Variants in DCC observed in about 807,000 individuals in gnomAD.
DCC encodes the protein netrin receptor DCC.
A neutral mutation model predicts 172.5 loss-of-function variants in DCC; 58 were observed. That is an observed-to-expected ratio of 0.34 (90% CI 0.27 to 0.42). The LOEUF (loss-of-function observed/expected upper bound fraction) is 0.42, where lower values mean the gene tolerates loss of function less well. Among genes scored for constraint, DCC ranks in the 10% least tolerant of loss-of-function variants. DCC has a pLI of 1.00. For synonymous variants in DCC, 709 were observed against 644.5 expected, an observed-to-expected ratio of 1.10 and a Z score of -1.52; for missense variants, 1,740 against 1,791.0, an observed-to-expected ratio of 0.97 and a Z score of 0.51.
intron 5 of DCC, among the ~76,000 whole-genome samples, chr18:52,971,694 A>T (rs2041033538): frequency 6.6e-6 from 1 of 152,108 alleles, no homozygotes. Context: ...TTAGCCTGTT[A>T]CAGTCTGCAA....
rs2144558744 is a variant in DCC, at chr18:53,207,712, G to C, written c.1756G>C (p.Glu586Gln). ...IEVDGLSYKLEGLKKFTEYSL... is the reference protein window; with the variant it reads ...IEVDGLSYKLQGLKKFTEYSL... ...GGTTGATGGACTATCTTATAAACTG[G>C]AAGGCCTGAAAAAATTCACCGAATA... The change falls in exon 11 of 29, where the codon GAA becomes CAA. Residue 586 changes from glutamate to glutamine, a missense_variant. Transcript: ENST00000442544. 1 of 1,613,608 alleles carries C rather than the reference G, an allele frequency of 6.2e-7. No homozygotes were observed. The highest frequency in any genetic ancestry group is 8.5e-7 in the Non-Finnish European group (1 of 1,179,650).
intron 5 of DCC, among the ~76,000 whole-genome samples, chr18:52,977,901 G>T (rs1003571519): frequency 1.4e-4 from 19 of 139,954 alleles, no homozygotes; most frequent in Non-Finnish European, 3.0e-4. Flanking sequence ...AAAAAGAAAA[G>T]AAAAAAGAAA....
intron 1 of DCC, among the ~76,000 whole-genome samples, chr18:52,531,167 T>C (rs1394077514): frequency 1.3e-5 from 2 of 152,202 alleles, no homozygotes; most frequent in African/African-American, 4.8e-5. Flanking sequence ...GAATTCCTTA[T>C]CACCAGGGCT....
At chr18:53,075,416 T>C (rs190882819) in intron 7 of DCC, among the ~76,000 whole-genome samples, 184 of 152,312 alleles carry the variant, frequency 1.2e-3, no homozygotes, top group African/African-American at 4.0e-3. Flanking sequence ...TAGAAATGAA[T>C]TCTGCAGTAA....
At chr18:52,995,415 C>T (rs1200134437) in intron 5 of DCC, among the ~76,000 whole-genome samples, 7 of 151,930 alleles carry the variant, frequency 4.6e-5, no homozygotes, top group South Asian at 4.1e-4. Flanking sequence ...TGAGGCAGTT[C>T]GGTTTTCTCT....
At chr18:53,122,097 G>T (rs1308499699) in intron 7 of DCC, among the ~76,000 whole-genome samples, 1 of 151,876 alleles carries the variant, frequency 6.6e-6, no homozygotes, top group African/African-American at 2.4e-5. Flanking sequence ...TCCAATTGCT[G>T]CATGAGTTTT....
intron 1 of DCC, among the ~76,000 whole-genome samples, chr18:52,669,186 G>T (rs1399522694): frequency 6.6e-6 from 1 of 152,084 alleles, no homozygotes; most frequent in African/African-American, 2.4e-5. Flanking sequence ...TCCTGGGTGG[G>T]GGCCGCAAGA....
intron 12 of DCC, among the ~76,000 whole-genome samples, chr18:53,285,566 G>A (rs772916943): frequency 3.3e-5 from 5 of 152,238 alleles, no homozygotes; most frequent in Admixed American, 6.5e-5. Flanking sequence ...CACGACCCTC[G>A]TGGAGAACCT....
intron 12 of DCC, among the ~76,000 whole-genome samples, chr18:53,259,733 A>G (rs561268480): frequency 7.9e-5 from 12 of 152,034 alleles, no homozygotes; most frequent in Non-Finnish European, 1.6e-4. Flanking sequence ...TGTTCTCTGT[A>G]TTTCATGAAT....
At chr18:53,393,184 A>G (rs1908685033) in intron 17 of DCC, among the ~76,000 whole-genome samples, 1 of 152,186 alleles carries the variant, frequency 6.6e-6, no homozygotes. Flanking sequence ...CTGGAGCTAT[A>G]GCTAAATCCC....
At chr18:52,407,639 T>C (rs1315257680) in intron 1 of DCC, among the ~76,000 whole-genome samples, 1 of 151,870 alleles carries the variant, frequency 6.6e-6, no homozygotes, top group Non-Finnish European at 1.5e-5. Context: ...TCTGGTGTTC[T>C]TGCATCTTCT....
At chr18:53,463,541 G>C (rs2045584407) in intron 24 of DCC, among the ~76,000 whole-genome samples, 1 of 152,110 alleles carries the variant, frequency 6.6e-6, no homozygotes. Flanking sequence ...CAATAACTAT[G>C]TAAGGAGAGA....
At chr18:53,446,482 C>G (rs149303634) in intron 22 of DCC, among the ~76,000 whole-genome samples, 12 of 152,172 alleles carry the variant, frequency 7.9e-5, no homozygotes, top group Admixed American at 4.6e-4. Context: ...TCACTTGCCC[C>G]TTCTGGAGCC....
Position 53,339,797 on chromosome 18 carries a change from A to G in DCC, c.2249A>G (p.Asn750Ser). The change falls in exon 15 of 29, where the codon AAC (asparagine) becomes AGC (serine). Residue 750 changes from asparagine to serine, a missense_variant. Physicochemically the swap from Asn to Ser is conservative, Grantham distance 46. Transcript: ENST00000442544. ...ATCATGAGTTGGACTCCTCCCTTGA[A>G]CCCAAACATCGTGGTGCGAGGTTAT... ...CIIMSWTPPL[N>S]PNIVVRGYII... 1.2e-6 allele frequency: 2 copies of G among 1,613,890 alleles called. No individual in the cohort carries two copies. Among genetic ancestry groups the G allele is most frequent in the Non-Finnish European group, 1.7e-6 (2 of 1,179,940 alleles).
At chr18:52,543,219 A>G (rs141298218) in intron 1 of DCC, among the ~76,000 whole-genome samples, 4 of 152,366 alleles carry the variant, frequency 2.6e-5, no homozygotes, top group African/African-American at 9.6e-5. Context: ...TTCAAAAAGT[A>G]GAAGAAATAG....
At chr18:52,828,627 G>A (rs2038555396) in intron 2 of DCC, among the ~76,000 whole-genome samples, 1 of 151,930 alleles carries the variant, frequency 6.6e-6, no homozygotes, top group Non-Finnish European at 1.5e-5. Flanking sequence ...GTTGTAATGG[G>A]GGCTTCGGCC....
intron 12 of DCC, among the ~76,000 whole-genome samples, chr18:53,223,891 C>A (rs184178414): frequency 7.5e-4 from 114 of 152,208 alleles, no homozygotes; most frequent in African/African-American, 2.2e-3. Flanking sequence ...ATGGCAGTAA[C>A]CTTTCCCAAA....
At chr18:53,269,449 C>G (rs556207970) in intron 12 of DCC, among the ~76,000 whole-genome samples, 1 of 152,084 alleles carries the variant, frequency 6.6e-6, no homozygotes, top group East Asian at 1.9e-4. Context: ...ATGACACCCC[C>G]TCTCCACCAT....
At chr18:52,774,924 T>C (rs2037402997) in intron 2 of DCC, among the ~76,000 whole-genome samples, 2 of 152,148 alleles carry the variant, frequency 1.3e-5, no homozygotes, top group Non-Finnish European at 2.9e-5. Context: ...CTCTTTACAT[T>C]GTAAAGAAAG....
Sources: allele counts gnomAD v4.1 joint callset (sites outside exome capture counted in the v4.1 genomes callset), GRCh38; gene constraint gnomAD v4.1.1; transcripts MANE v1.5; gene names NCBI Gene and HGNC (gene_info 2026-07-23, HGNC 2026-07-21).